ANKRD30BL: variants seen among roughly 807,000 people sequenced by gnomAD.
ANKRD30BL encodes the protein putative ankyrin repeat domain-containing protein 30B-like.
In ANKRD30BL, 20 loss-of-function variants were observed where a neutral mutation model predicts 18.4. The ratio of observed to expected loss-of-function variants is 1.09; its 90% CI spans 0.77 to 1.58. The LOEUF (loss-of-function observed/expected upper bound fraction) is 1.58, where lower values mean the gene tolerates loss of function less well. ANKRD30BL is among the 40% of genes most tolerant of loss of function. ANKRD30BL has a pLI of 0.00. For missense variants in ANKRD30BL, 224 were observed against 268.6 expected, an observed-to-expected ratio of 0.83 and a Z score of 1.16; for synonymous variants, 72 against 100.9, an observed-to-expected ratio of 0.71 and a Z score of 1.72.
chr2:132,174,449 G>C (rs1384070760), intron 1 of ANKRD30BL, among the ~76,000 whole-genome samples: 1 of 152,040 alleles, frequency 6.6e-6, no homozygotes, highest in Non-Finnish European at 1.5e-5. Context: ...TCTCCAGAGG[G>C]ACAGCATCAT....
At chr2:132,156,775 T>C (rs1295990974) in intron 3 of ANKRD30BL, 198 bp downstream of exon 3, 1 of 323,288 alleles carries the variant, frequency 3.1e-6, no homozygotes, top group Non-Finnish European at 5.5e-6. Context: ...TTTATCATAA[T>C]GCACAGAAAA....
chr2:132,163,439 C>T (rs1395678535), upstream of ANKRD30BL, among the ~76,000 whole-genome samples: 1 of 152,020 alleles, frequency 6.6e-6, no homozygotes, highest in East Asian at 1.9e-4. Flanking sequence ...TCCTGTTGCT[C>T]CCCATCCTTG....
At chr2:132,149,762 T>C (rs1687708671) in intron 5 of ANKRD30BL, among the ~76,000 whole-genome samples, 2 of 152,122 alleles carry the variant, frequency 1.3e-5, no homozygotes, top group Non-Finnish European at 2.9e-5. Context: ...CTAAGACAAA[T>C]CTCACCTCTG....
chr2:132,180,749 A>G (rs1419800550), intron 1 of ANKRD30BL, among the ~76,000 whole-genome samples: 1 of 152,220 alleles, frequency 6.6e-6, no homozygotes, highest in Non-Finnish European at 1.5e-5. Flanking sequence ...TATACTCTGT[A>G]ATGTTATTTC....
intron 5 of ANKRD30BL, 46 bp from the exon 6 acceptor site, chr2:132,148,274 T>A (rs749290393): frequency 3.9e-6 from 6 of 1,520,358 alleles, no homozygotes; most frequent in Non-Finnish European, 5.4e-6. Context: ...CTAAATATCA[T>A]CCTTCTGACT....
chr2:132,224,441 G>A (rs1013904992), intron 1 of ANKRD30BL, among the ~76,000 whole-genome samples: 13 of 151,974 alleles, frequency 8.6e-5, no homozygotes, highest in South Asian at 4.1e-4. Flanking sequence ...TATTTGGACC[G>A]CTTTGAGGCC....
intron 1 of ANKRD30BL, among the ~76,000 whole-genome samples, chr2:132,231,729 G>C (rs912392119): frequency 1.3e-5 from 2 of 152,266 alleles, no homozygotes; most frequent in Non-Finnish European, 1.5e-5. Context: ...AGCAGTCTGA[G>C]ATCAAACTGC....
At chr2:132,197,186 A>G (rs1317181729) in intron 1 of ANKRD30BL, among the ~76,000 whole-genome samples, 1 of 152,262 alleles carries the variant, frequency 6.6e-6, no homozygotes, top group Non-Finnish European at 1.5e-5. Flanking sequence ...CAGAGGAAAG[A>G]CTTGAGGACT....
At chr2:132,242,587 T>C (rs1288253742) in intron 1 of ANKRD30BL, among the ~76,000 whole-genome samples, 1 of 151,886 alleles carries the variant, frequency 6.6e-6, no homozygotes, top group African/African-American at 2.4e-5. Context: ...ATCTTCATGA[T>C]GTGTGTACTC....
At chr2:132,213,319 T>C (rs28891125) in intron 1 of ANKRD30BL, among the ~76,000 whole-genome samples, 3 of 152,122 alleles carry the variant, frequency 2.0e-5, no homozygotes, top group Non-Finnish European at 4.4e-5. Context: ...ACATAAATAC[T>C]ATACAGAAAC....
intron 1 of ANKRD30BL, among the ~76,000 whole-genome samples, chr2:132,183,168 T>C (rs1688504429): frequency 6.6e-6 from 1 of 150,972 alleles, no homozygotes. Context: ...TCTTGCTCTG[T>C]CACCCAGGCT....
intron 1 of ANKRD30BL, among the ~76,000 whole-genome samples, chr2:132,253,637 C>CG (rs1680729454): frequency 6.6e-6 from 1 of 152,040 alleles, no homozygotes; most frequent in African/African-American, 2.4e-5. Flanking sequence ...CCCAGCTGGC[C>CG]GGGGGGACGG....
At chr2:132,204,490 A>ATG (rs893761407) in intron 1 of ANKRD30BL, among the ~76,000 whole-genome samples, 3 of 150,074 alleles carry the variant, frequency 2.0e-5, no homozygotes, top group Admixed American at 1.3e-4. Context: ...GTATGTATAT[A>ATG]TGTATATATA....
At chr2:132,172,499 C>T (rs1234026903) in intron 1 of ANKRD30BL, among the ~76,000 whole-genome samples, 1 of 152,108 alleles carries the variant, frequency 6.6e-6, no homozygotes, top group Non-Finnish European at 1.5e-5. Flanking sequence ...TTTTCATGTG[C>T]TTGTTGGCCA....
At chr2:132,159,013 A>G (rs1211977513) in intron 1 of ANKRD30BL, among the ~76,000 whole-genome samples, 2 of 152,026 alleles carry the variant, frequency 1.3e-5, no homozygotes, top group Non-Finnish European at 2.9e-5. Flanking sequence ...TTTTTCTAAT[A>G]GCATTGTACA....
intron 1 of ANKRD30BL, among the ~76,000 whole-genome samples, chr2:132,218,914 T>G (rs1679589069): frequency 6.6e-6 from 1 of 152,086 alleles, no homozygotes. Flanking sequence ...ACTCTTTTTG[T>G]GGAATCTGCA....
At chr2:132,225,889 T>G (rs538171724) in intron 1 of ANKRD30BL, among the ~76,000 whole-genome samples, 13 of 152,174 alleles carry the variant, frequency 8.5e-5, no homozygotes, top group African/African-American at 3.1e-4. Flanking sequence ...TAGTGATGTG[T>G]GCATTCAACT....
In ANKRD30BL at chr2:132,222,787, A is replaced by G. The variant is rs558357145; in HGVS notation, n.441+34742T>C. ...ACCTTCCCTCCACTATTGTCCTATG[A>G]CCCTGCCAAATCCCCTTCTGTGAGA... is the stretch of plus-strand genomic sequence containing the variant. On this transcript the variant is annotated intron_variant and non_coding_transcript_variant, in intron 1 of 4. Coordinates refer to the ANKRD30BL transcript ENST00000470729. Among the ~76,000 whole-genome samples, 5 of 124,540 alleles carry G rather than the reference A, an allele frequency of 4.0e-5. No homozygotes were observed. In the South Asian group the frequency reaches 1.5e-3, roughly 37 times the overall value. 81.7% of individuals were successfully genotyped at this position (124,540 alleles called of 152,430 possible). A position where few individuals can be genotyped will look rare whatever the true frequency, so the allele number is the denominator to read the frequency against.
intron 1 of ANKRD30BL, among the ~76,000 whole-genome samples, chr2:132,241,177 C>T (rs1331579620): frequency 1.3e-5 from 2 of 149,838 alleles, no homozygotes; most frequent in African/African-American, 2.4e-5. Context: ...AAATATCTTC[C>T]CATAAAAACT....
Sources: gnomAD v4.1 joint callset for allele counts (sites outside exome capture counted in the v4.1 genomes callset) on GRCh38, gnomAD v4.1.1 for gene constraint, MANE v1.5 for transcripts, NCBI Gene and HGNC (gene_info 2026-07-23, HGNC 2026-07-21) for gene names.